The following FHOD3 variants were observed in gnomAD, a reference collection of about 807,000 sequenced individuals.
The protein encoded by FHOD3 is FH1/FH2 domain-containing protein 3.
A neutral mutation model predicts 173.0 loss-of-function variants in FHOD3; 90 were observed. That is an observed-to-expected ratio of 0.52 (90% CI 0.44 to 0.62). FHOD3 has a LOEUF of 0.62. Ranked by LOEUF, FHOD3 falls within the 20% of genes least tolerant of loss-of-function variation. FHOD3 has a pLI of 0.00. For missense variants in FHOD3, 1,945 were observed against 2,034.7 expected, an observed-to-expected ratio of 0.96 and a Z score of 0.85; for synonymous variants, 828 against 823.0, an observed-to-expected ratio of 1.01 and a Z score of -0.10.
intron 1 of FHOD3, among the ~76,000 whole-genome samples, chr18:36,332,343 TC>T (rs1169174663): frequency 6.6e-6 from 1 of 152,212 alleles, no homozygotes; most frequent in Non-Finnish European, 1.5e-5. Flanking sequence ...GGGCTGGCTC[TC>T]CTTGCAAGGC....
chr18:36,427,524 A>T (rs2050315539), intron 3 of FHOD3, among the ~76,000 whole-genome samples: 1 of 152,152 alleles, frequency 6.6e-6, no homozygotes. Context: ...AAGTTTTATT[A>T]TGTTGGGGAA....
At chr18:36,303,569 C>A (rs190587669) in intron 1 of FHOD3, among the ~76,000 whole-genome samples, 1 of 152,186 alleles carries the variant, frequency 6.6e-6, no homozygotes, top group Non-Finnish European at 1.5e-5. Context: ...TTAATAGTGT[C>A]GACTTTAAAA....
intron 3 of FHOD3, among the ~76,000 whole-genome samples, chr18:36,452,892 G>T (rs2051949679): frequency 6.6e-6 from 1 of 151,776 alleles, no homozygotes; most frequent in South Asian, 2.1e-4. Context: ...GTATATATAT[G>T]CATGCCATAT....
At chr18:36,468,389 A>T (rs1253950192) in intron 3 of FHOD3, among the ~76,000 whole-genome samples, 1 of 152,160 alleles carries the variant, frequency 6.6e-6, no homozygotes, top group South Asian at 2.1e-4. Context: ...AGCTGGGGAC[A>T]GGGAAGGCGG....
chr18:36,420,641 C>A (rs903574001), intron 3 of FHOD3, among the ~76,000 whole-genome samples: 3 of 152,204 alleles, frequency 2.0e-5, no homozygotes, highest in African/African-American at 7.2e-5. Context: ...ATTTCTCACT[C>A]CCTTATTATA....
chr18:36,636,599 C>T (rs1479659765), intron 10 of FHOD3, among the ~76,000 whole-genome samples: 1 of 151,712 alleles, frequency 6.6e-6, no homozygotes. Context: ...TATCACACTT[C>T]AGGAGTACTC....
At chr18:36,633,870 G>T (rs530646271) in intron 10 of FHOD3, among the ~76,000 whole-genome samples, 3 of 152,244 alleles carry the variant, frequency 2.0e-5, no homozygotes, top group Admixed American at 6.5e-5. Flanking sequence ...TTACTGATTT[G>T]CTTGTTTTTC....
At chr18:36,394,989 C>G (rs2048479691) in intron 3 of FHOD3, among the ~76,000 whole-genome samples, 1 of 152,068 alleles carries the variant, frequency 6.6e-6, no homozygotes, top group Non-Finnish European at 1.5e-5. Context: ...TATATTACAC[C>G]CTCATCTTGT....
rs1205008980 is a variant in FHOD3, at chr18:36,769,362, C to T, written c.4722C>T (p.Thr1574=). Residue 1574 remains threonine, a synonymous_variant, in exon 28 of 29, where the codon ACC becomes ACT. Coordinates refer to ENST00000590592, the MANE Select transcript of FHOD3 (RefSeq NM_001281740.3). ...EIMDRIVKSA[T]QVPSQRVVPR... The stretch of plus-strand genomic sequence containing the variant: ...TGGACCGCATCGTCAAGTCAGCCAC[C>T]CAAGTGCCCAGTCAGCGAGTGGTGC... The T allele has an allele frequency of 6.2e-6, 10 of 1,614,012 alleles. No individual in the cohort carries two copies. Among genetic ancestry groups the T allele is most frequent in the Middle Eastern group, 1.6e-4 (1 of 6,084 alleles).
chr18:36,408,485 C>T (rs1405414402), intron 3 of FHOD3, among the ~76,000 whole-genome samples: 3 of 151,936 alleles, frequency 2.0e-5, no homozygotes, highest in African/African-American at 7.3e-5. Context: ...GTGTGAAGGG[C>T]ATGGGGGGGT....
At chr18:36,569,455 TGAAATAA>T (rs1488655841) in intron 5 of FHOD3, among the ~76,000 whole-genome samples, 1 of 152,078 alleles carries the variant, frequency 6.6e-6, no homozygotes, top group Non-Finnish European at 1.5e-5. Context: ...AAAACAGAAC[TGAAATAA>T]GAAATAGAAA....
chr18:36,420,042 C>T (rs2049906651), intron 3 of FHOD3, among the ~76,000 whole-genome samples: 1 of 152,220 alleles, frequency 6.6e-6, no homozygotes, highest in African/African-American at 2.4e-5. Flanking sequence ...ACTTGATTAA[C>T]TTTTCTGTCT....
chr18:36,721,253 A>C (rs1047028671), intron 19 of FHOD3, among the ~76,000 whole-genome samples: 1 of 152,134 alleles, frequency 6.6e-6, no homozygotes, highest in Non-Finnish European at 1.5e-5. Flanking sequence ...AGACCCAAAA[A>C]CCCCTACCTT....
chr18:36,512,360 C>T, intron 4 of FHOD3, 78 bp from the exon 5 acceptor site: 1 of 1,072,510 alleles, frequency 9.3e-7, no homozygotes, highest in South Asian at 1.3e-5. Context: ...AAGGCTTGTA[C>T]ATAGTTTTAG....
At chr18:36,302,488 G>A (rs1478784725) in intron 1 of FHOD3, among the ~76,000 whole-genome samples, 1 of 152,214 alleles carries the variant, frequency 6.6e-6, no homozygotes, top group Non-Finnish European at 1.5e-5. Context: ...GATTACAGGT[G>A]ATTTAGGTCA....
intron 1 of FHOD3, among the ~76,000 whole-genome samples, chr18:36,338,403 G>A (rs2045434781): frequency 6.6e-6 from 1 of 152,162 alleles, no homozygotes; most frequent in African/African-American, 2.4e-5. Flanking sequence ...TGGAAACCTG[G>A]CTTTTTATGT....
At chr18:36,519,440 G>T (rs2056162126) in intron 5 of FHOD3, among the ~76,000 whole-genome samples, 1 of 152,208 alleles carries the variant, frequency 6.6e-6, no homozygotes, top group Admixed American at 6.5e-5. Flanking sequence ...AGGGCTCGGG[G>T]ACTCTCTTGT....
At chr18:36,528,582 CCTT>C (rs2056635949) in intron 5 of FHOD3, among the ~76,000 whole-genome samples, 1 of 152,304 alleles carries the variant, frequency 6.6e-6, no homozygotes. Flanking sequence ...TCCTGTGTCT[CCTT>C]ATGGCTTTCC....
chr18:36,705,434 C>T (rs772430234), intron 17 of FHOD3, among the ~76,000 whole-genome samples: 64 of 152,306 alleles, frequency 4.2e-4, no homozygotes, highest in Non-Finnish European at 9.0e-4. Context: ...TGCCAAAGAC[C>T]CTTGCCATGC....
Sources: allele counts gnomAD v4.1 joint callset (sites outside exome capture counted in the v4.1 genomes callset), GRCh38; gene constraint gnomAD v4.1.1; transcripts MANE v1.5; gene names NCBI Gene and HGNC (gene_info 2026-07-23, HGNC 2026-07-21).